Variants in XIRP2 observed in about 807,000 individuals in gnomAD.
The protein encoded by XIRP2 is xin actin-binding repeat-containing protein 2.
XIRP2 carries 236 observed loss-of-function variants against 277.0 expected under a neutral mutation model. That is an observed-to-expected ratio of 0.85 (90% CI 0.77 to 0.95). XIRP2 has a LOEUF of 0.95. Among genes scored for constraint, XIRP2 ranks in the 40% least tolerant of loss-of-function variants. The pLI is 0.00. For synonymous variants in XIRP2, 1,490 were observed against 1,416.5 expected (o/e 1.05, Z -1.17); for missense variants, 4,640 against 4,157.5 (o/e 1.12, Z -3.19).
intron 3 of XIRP2, among the ~76,000 whole-genome samples, chr2:167,140,134 T>G (rs1223065488): frequency 4.6e-5 from 7 of 152,232 alleles, no homozygotes; most frequent in Admixed American, 3.9e-4. Context: ...TGATCTCCTC[T>G]CTTTAGTATT....
intron 3 of XIRP2, among the ~76,000 whole-genome samples, chr2:167,170,333 G>A (rs1240961992): frequency 6.6e-6 from 1 of 151,960 alleles, no homozygotes; most frequent in Non-Finnish European, 1.5e-5. Context: ...ATGTCAGGAA[G>A]TGTTTCTTCC....
intron 3 of XIRP2, among the ~76,000 whole-genome samples, chr2:167,158,832 G>A (rs1432971021): frequency 2.0e-5 from 3 of 152,208 alleles, no homozygotes; most frequent in Admixed American, 6.5e-5. Flanking sequence ...ACAGTTATTT[G>A]AACAGGGAAA....
chr2:167,190,097 G>A (rs1693284346), intron 3 of XIRP2, among the ~76,000 whole-genome samples: 1 of 152,178 alleles, frequency 6.6e-6, no homozygotes, highest in Admixed American at 6.5e-5. Context: ...TGGCATTAAA[G>A]GGCAGAAGCA....
At chr2:167,217,164 G>A (rs1182459922) in intron 4 of XIRP2, among the ~76,000 whole-genome samples, 2 of 149,294 alleles carry the variant, frequency 1.3e-5, no homozygotes, top group Admixed American at 1.3e-4. Context: ...GGGTAGCATT[G>A]GGAGATATAC....
intron 9 of XIRP2, among the ~76,000 whole-genome samples, chr2:167,253,599 A>AG (rs1191761565): frequency 2.6e-5 from 4 of 151,792 alleles, no homozygotes; most frequent in African/African-American, 9.7e-5. Flanking sequence ...TGACCAGCTT[A>AG]GGTACAAGCC....
At chr2:166,932,424 G>A (rs1298478042) in intron 2 of XIRP2, among the ~76,000 whole-genome samples, 1 of 151,868 alleles carries the variant, frequency 6.6e-6, no homozygotes, top group Non-Finnish European at 1.5e-5. Flanking sequence ...ATATTGCCCA[G>A]GCTGGTCTTG....
intron 3 of XIRP2, among the ~76,000 whole-genome samples, chr2:167,171,836 A>G (rs1242182048): frequency 6.6e-6 from 1 of 152,210 alleles, no homozygotes. Context: ...TCTTAACCTC[A>G]AAGTCTACTT....
intron 2 of XIRP2, among the ~76,000 whole-genome samples, chr2:166,917,709 T>C (rs566823917): frequency 2.0e-5 from 3 of 152,234 alleles, no homozygotes; most frequent in Admixed American, 6.5e-5. Context: ...AGCTCATGGA[T>C]TGGCATTCTT....
intron 2 of XIRP2, among the ~76,000 whole-genome samples, chr2:167,094,050 C>G (rs1346910568): frequency 1.3e-5 from 2 of 151,626 alleles, no homozygotes; most frequent in Non-Finnish European, 2.9e-5. Context: ...TTTTAATTTG[C>G]ATTTCTCTAA....
intron 2 of XIRP2, among the ~76,000 whole-genome samples, chr2:166,940,518 C>T (rs746368098): frequency 3.3e-5 from 5 of 152,194 alleles, no homozygotes; most frequent in Admixed American, 6.5e-5. Context: ...GGTGGAGAGT[C>T]ACTCTGATTT....
intron 3 of XIRP2, among the ~76,000 whole-genome samples, chr2:167,192,999 G>A (rs73027843): frequency 0.086 from 13,074 of 152,178 alleles, 617 homozygotes; most frequent in South Asian, 0.16. Context: ...GTGCATGCCC[G>A]CTTTCAGTCA....
At chr2:167,055,558 C>T (rs150251012) in intron 2 of XIRP2, among the ~76,000 whole-genome samples, 1 of 152,212 alleles carries the variant, frequency 6.6e-6, no homozygotes, top group African/African-American at 2.4e-5. Context: ...GATGTGTAGG[C>T]CATTCTTGTC....
At chr2:167,092,699 A>G (rs1690181213) in intron 2 of XIRP2, among the ~76,000 whole-genome samples, 1 of 152,138 alleles carries the variant, frequency 6.6e-6, no homozygotes, top group African/African-American at 2.4e-5. Flanking sequence ...TTACATGTAT[A>G]AATCAAAGCT....
intron 2 of XIRP2, among the ~76,000 whole-genome samples, chr2:167,084,835 T>C (rs1239178984): frequency 0.013 from 1,914 of 150,988 alleles, 49 homozygotes; most frequent in African/African-American, 0.044. Flanking sequence ...TCTCTCTTTT[T>C]TTCTTTATTA....
chr2:167,197,756 C>A (rs1275895530), intron 3 of XIRP2, among the ~76,000 whole-genome samples: 1 of 152,016 alleles, frequency 6.6e-6, no homozygotes, highest in Non-Finnish European at 1.5e-5. Flanking sequence ...GCAAAGAAAC[C>A]CAATTGCTTT....
At chr2:167,056,969 C>T (rs1429444137) in intron 2 of XIRP2, among the ~76,000 whole-genome samples, 1 of 152,104 alleles carries the variant, frequency 6.6e-6, no homozygotes, top group African/African-American at 2.4e-5. Flanking sequence ...CTTGTTTACT[C>T]TTGGGCAGTT....
At chr2:166,915,285 G>A (rs1307509996) in intron 2 of XIRP2, among the ~76,000 whole-genome samples, 1 of 109,108 alleles carries the variant, frequency 9.2e-6, no homozygotes, top group African/African-American at 3.8e-5. Context: ...GGGCGACACA[G>A]CAAGACTCCG....
intron 2 of XIRP2, among the ~76,000 whole-genome samples, chr2:167,120,480 G>T (rs547032272): frequency 6.6e-6 from 1 of 152,092 alleles, no homozygotes; most frequent in Admixed American, 6.6e-5. Context: ...TTAAGACATC[G>T]TAAGGGTATT....
At chr2:167,239,755 C>G in intron 5 of XIRP2, 100 bp from the exon 6 acceptor site, 1 of 994,572 alleles carries the variant, frequency 1.0e-6, no homozygotes, top group Non-Finnish European at 1.5e-6. Context: ...ACTAAAGAAT[C>G]TCATTTTTTT....
Sources: allele counts gnomAD v4.1 joint callset (sites outside exome capture counted in the v4.1 genomes callset), GRCh38; gene constraint gnomAD v4.1.1; transcripts MANE v1.5; gene names NCBI Gene and HGNC (gene_info 2026-07-23, HGNC 2026-07-21).